FOXP1: variants seen among roughly 807,000 people sequenced by gnomAD.
The protein encoded by FOXP1 is forkhead box protein P1.
In FOXP1, 15 loss-of-function variants were observed where a neutral mutation model predicts 98.2. The observed-to-expected ratio is 0.15, with a 90% CI of 0.10 to 0.24. The LOEUF (loss-of-function observed/expected upper bound fraction) is 0.24, where lower values mean the gene tolerates loss of function less well. Among genes scored for constraint, FOXP1 ranks in the 10% least tolerant of loss-of-function variants. The pLI is 1.00. For missense variants in FOXP1, 633 were observed against 848.5 expected (o/e 0.75, Z 3.15); for synonymous variants, 371 against 314.5 (o/e 1.18, Z -1.90).
intron 5 of FOXP1, among the ~76,000 whole-genome samples, chr3:71,287,127 G>C (rs577635245): frequency 7.9e-4 from 121 of 152,280 alleles, no homozygotes; most frequent in African/African-American, 2.9e-3. Context: ...GAAACAAAAA[G>C]AGTACATACA....
chr3:71,235,855 C>T (rs780112067), intron 5 of FOXP1, among the ~76,000 whole-genome samples: 22 of 152,100 alleles, frequency 1.4e-4, no homozygotes, highest in East Asian at 3.9e-4. Context: ...TGTGGGCCAC[C>T]GCACCCGGCT....
intron 11 of FOXP1, among the ~76,000 whole-genome samples, chr3:71,040,975 T>C (rs1204080494): frequency 2.0e-5 from 3 of 152,134 alleles, no homozygotes; most frequent in Admixed American, 2.0e-4. Flanking sequence ...GACACTACTA[T>C]TCCCTTAGAA....
chr3:71,084,681 T>C (rs2054826548), intron 7 of FOXP1, among the ~76,000 whole-genome samples: 2 of 152,248 alleles, frequency 1.3e-5, no homozygotes. Context: ...TGCCCTTGCA[T>C]AGTTAACACT....
chr3:70,970,891 C>T, intron 18 of FOXP1, 86 bp from the exon 19 acceptor site: 1 of 1,054,866 alleles, frequency 9.5e-7, no homozygotes, highest in South Asian at 1.3e-5. Context: ...CTTGCTGGTG[C>T]CCTTCCAAAT....
At chr3:71,439,965 AAGG>A (rs1217099477) in intron 3 of FOXP1, among the ~76,000 whole-genome samples, 73 of 151,460 alleles carry the variant, frequency 4.8e-4, no homozygotes, top group Non-Finnish European at 9.7e-4. Context: ...AAAAAAAAAA[AAGG>A]AGGAAGTTCT....
intron 5 of FOXP1, among the ~76,000 whole-genome samples, chr3:71,235,075 A>G (rs1394374193): frequency 6.6e-6 from 1 of 152,184 alleles, no homozygotes; most frequent in Non-Finnish European, 1.5e-5. Context: ...GGACAATGTG[A>G]CAGCTATAAT....
At chr3:71,438,212 C>G (rs2085555913) in intron 3 of FOXP1, among the ~76,000 whole-genome samples, 1 of 152,174 alleles carries the variant, frequency 6.6e-6, no homozygotes, top group African/African-American at 2.4e-5. Context: ...TGGTTTTGCT[C>G]AGCACTGAAT....
At chr3:71,559,999 A>G (rs1384328566) in intron 2 of FOXP1, among the ~76,000 whole-genome samples, 11 of 152,204 alleles carry the variant, frequency 7.2e-5, no homozygotes, top group Non-Finnish European at 1.0e-4. Context: ...ATCTTCCTAC[A>G]AAGAGAAATG....
Position 71,328,980 on chromosome 3 carries a change from AAAAAAAAAAC to A in FOXP1, c.-72-29110_-72-29101del, listed in dbSNP as rs2076103629. 4.8e-5 allele frequency among the ~76,000 whole-genome samples: 6 copies of A among 125,342 alleles called. 1 individual carries two copies. The South Asian group carries it at 1.7e-3, about 35-fold the overall frequency. 82.2% of individuals were successfully genotyped at this position (125,342 alleles called of 152,430 possible). ...GAGCGAAACTCCATCTCGCTAAAAA[AAAAAAAAAAC>A]AAAAAAAAAAAAACTGACAGTTTCA... is the stretch of plus-strand genomic sequence containing the variant. On this transcript the variant is annotated intron_variant, in intron 4 of 20. Coordinates refer to ENST00000649528, the MANE Select transcript of FOXP1 (RefSeq NM_001349338.3).
At chr3:71,098,995 T>C (rs1468412656) in intron 7 of FOXP1, among the ~76,000 whole-genome samples, 1 of 152,228 alleles carries the variant, frequency 6.6e-6, no homozygotes, top group Non-Finnish European at 1.5e-5. Context: ...TTTACAGATG[T>C]TACTCAGCTA....
intron 2 of FOXP1, among the ~76,000 whole-genome samples, chr3:71,535,421 GA>G (rs1301099757): frequency 6.6e-6 from 1 of 152,102 alleles, no homozygotes; most frequent in Non-Finnish European, 1.5e-5. Context: ...AAACAGGGAT[GA>G]GGCCAGGCAC....
intron 4 of FOXP1, among the ~76,000 whole-genome samples, chr3:71,330,770 C>T (rs1218721669): frequency 2.0e-5 from 3 of 152,172 alleles, no homozygotes; most frequent in Admixed American, 2.0e-4. Context: ...TTGATAAAGC[C>T]TCAGGTAGAA....
intron 4 of FOXP1, among the ~76,000 whole-genome samples, chr3:71,313,757 C>T (rs903020537): frequency 6.6e-6 from 1 of 152,024 alleles, no homozygotes; most frequent in Non-Finnish European, 1.5e-5. Flanking sequence ...GATCTCCTGA[C>T]CTCGTGATCC....
Position 71,501,293 on chromosome 3 carries a change from CTTTTTTTTTT to C in FOXP1, c.-297-7748_-297-7739del, listed in dbSNP as rs763654842. Among the ~76,000 whole-genome samples the C allele has an allele frequency of 7.6e-4, 98 of 129,720 alleles. 1 individual carries two copies. The highest frequency in any genetic ancestry group is 2.4e-3 in the African/African-American group (85 of 34,750). The allele number at this position is 129,720 out of a possible 152,430, so 85.1% of individuals were successfully genotyped here. ...AAAATCCAAACTCTGAAATGCTTTT[CTTTTTTTTTT>C]TTTTTTTTTTGAGACGGAGTCTCGC... On this transcript the variant is annotated intron_variant, in intron 2 of 20. Coordinates refer to ENST00000649528, the MANE Select transcript of FOXP1 (RefSeq NM_001349338.3).
At chr3:71,325,193 C>T (rs568042534) in intron 4 of FOXP1, among the ~76,000 whole-genome samples, 2 of 152,096 alleles carry the variant, frequency 1.3e-5, no homozygotes, top group East Asian at 1.9e-4. Context: ...GCTGGGATTA[C>T]AGGCATAAAC....
intron 5 of FOXP1, among the ~76,000 whole-genome samples, chr3:71,248,502 G>A (rs531642284): frequency 1.3e-5 from 2 of 152,220 alleles, no homozygotes; most frequent in African/African-American, 4.8e-5. Context: ...CAGCACTTTG[G>A]GAGGCCGAGG....
intron 12 of FOXP1, among the ~76,000 whole-genome samples, chr3:71,003,061 T>C (rs1559690352): frequency 1.3e-5 from 2 of 152,298 alleles, no homozygotes; most frequent in South Asian, 4.1e-4. Flanking sequence ...CTGTTTAACA[T>C]TTGCTAAGAA....
intron 5 of FOXP1, among the ~76,000 whole-genome samples, chr3:71,239,863 A>T (rs1263444564): frequency 6.6e-6 from 1 of 152,190 alleles, no homozygotes; most frequent in African/African-American, 2.4e-5. Flanking sequence ...TCCAGTTGCC[A>T]CTGCTACCAG....
intron 2 of FOXP1, among the ~76,000 whole-genome samples, chr3:71,513,755 T>G (rs1278486092): frequency 6.6e-6 from 1 of 152,106 alleles, no homozygotes; most frequent in Non-Finnish European, 1.5e-5. Flanking sequence ...ATAGCATGGC[T>G]CCAAGAATGT....
Sources: allele counts gnomAD v4.1 joint callset (sites outside exome capture counted in the v4.1 genomes callset), GRCh38; gene constraint gnomAD v4.1.1; transcripts MANE v1.5; gene names NCBI Gene and HGNC (gene_info 2026-07-23, HGNC 2026-07-21).